Variants in SPAG16 observed in about 807,000 individuals in gnomAD.
SPAG16 encodes the protein sperm associated antigen 16.
Under a neutral mutation model 80.4 loss-of-function variants are expected in SPAG16, and 86 were observed. That is an observed-to-expected ratio of 1.07 (90% CI 0.90 to 1.28). The LOEUF (loss-of-function observed/expected upper bound fraction) is 1.28, where lower values mean the gene tolerates loss of function less well. SPAG16 is among the 50% of genes most tolerant of loss of function. The probability of loss-of-function intolerance (pLI) is 0.00; values close to 1 mark genes in which losing one functional copy is unlikely to be tolerated. For missense variants in SPAG16, 870 were observed against 765.3 expected (o/e 1.14, Z -1.61); for synonymous variants, 294 against 265.9 (o/e 1.11, Z -1.03).
intron 12 of SPAG16, among the ~76,000 whole-genome samples, chr2:213,940,313 A>G (rs1355054551): frequency 2.0e-5 from 3 of 152,114 alleles, no homozygotes; most frequent in Admixed American, 1.3e-4. Flanking sequence ...TTTTTTAGAG[A>G]TGACATCTTG....
At chr2:214,186,136 G>A (rs1352732620) in intron 15 of SPAG16, among the ~76,000 whole-genome samples, 1 of 152,124 alleles carries the variant, frequency 6.6e-6, no homozygotes, top group Non-Finnish European at 1.5e-5. Flanking sequence ...ATAAACTGGG[G>A]AATTATATTG....
chr2:214,076,547 G>GTGTC (rs1553710475), intron 13 of SPAG16, among the ~76,000 whole-genome samples: 1 of 129,788 alleles, frequency 7.7e-6, no homozygotes, highest in African/African-American at 2.9e-5. Context: ...GTGTGTCTGT[G>GTGTC]TGTGTGTGTG....
chr2:213,991,053 G>A (rs962851985), intron 12 of SPAG16, among the ~76,000 whole-genome samples: 25 of 151,578 alleles, frequency 1.6e-4, no homozygotes, highest in African/African-American at 5.8e-4. Context: ...TGTGCAGAAC[G>A]TGCAGGTTTG....
intron 10 of SPAG16, among the ~76,000 whole-genome samples, chr2:213,552,199 G>A (rs2076798785): frequency 6.6e-6 from 1 of 152,056 alleles, no homozygotes; most frequent in Non-Finnish European, 1.5e-5. Flanking sequence ...TCTTGAATTT[G>A]CTCCCTGCTT....
At chr2:213,306,137 T>G (rs1202334896) in intron 3 of SPAG16, among the ~76,000 whole-genome samples, 1 of 151,944 alleles carries the variant, frequency 6.6e-6, no homozygotes, top group Non-Finnish European at 1.5e-5. Flanking sequence ...AGTTGCTCAT[T>G]GTAGCCTCCA....
At chr2:213,846,108 T>G (rs535324266) in intron 10 of SPAG16, among the ~76,000 whole-genome samples, 1 of 152,314 alleles carries the variant, frequency 6.6e-6, no homozygotes, top group African/African-American at 2.4e-5. Flanking sequence ...ACTTAAAACA[T>G]ACCAACAATG....
chr2:214,169,527 G>C (rs1559100750), intron 15 of SPAG16, among the ~76,000 whole-genome samples: 1 of 152,016 alleles, frequency 6.6e-6, no homozygotes, highest in Non-Finnish European at 1.5e-5. Context: ...ACTTTGAAGA[G>C]ATTAGCCCCA....
chr2:213,984,040 G>A (rs2045892270), intron 12 of SPAG16, among the ~76,000 whole-genome samples: 1 of 152,062 alleles, frequency 6.6e-6, no homozygotes, highest in South Asian at 2.1e-4. Flanking sequence ...TTTGTGAGTA[G>A]TACAGCATTC....
chr2:213,600,809 G>T (rs1038497929), intron 10 of SPAG16, among the ~76,000 whole-genome samples: 1 of 152,034 alleles, frequency 6.6e-6, no homozygotes, highest in African/African-American at 2.4e-5. Context: ...TCCTTTTCTC[G>T]CTATGTGTTG....
At chr2:213,581,820 C>G (rs1011135617) in intron 10 of SPAG16, among the ~76,000 whole-genome samples, 1 of 152,164 alleles carries the variant, frequency 6.6e-6, no homozygotes, top group Non-Finnish European at 1.5e-5. Flanking sequence ...ATGGCCCAAA[C>G]AGAGATGCTG....
chr2:213,706,781 G>A (rs898894278), intron 10 of SPAG16, among the ~76,000 whole-genome samples: 6 of 152,232 alleles, frequency 3.9e-5, no homozygotes, highest in Admixed American at 3.9e-4. Context: ...GAGTGGCTTA[G>A]CTTGGGGGTT....
intron 15 of SPAG16, among the ~76,000 whole-genome samples, chr2:214,407,472 C>A (rs1160110160): frequency 6.6e-6 from 1 of 151,924 alleles, no homozygotes; most frequent in Non-Finnish European, 1.5e-5. Context: ...GTATTTCTAC[C>A]ATATTTTCAT....
chr2:214,118,330 A>G (rs2054044961), intron 14 of SPAG16, among the ~76,000 whole-genome samples: 1 of 152,204 alleles, frequency 6.6e-6, no homozygotes, highest in Non-Finnish European at 1.5e-5. Context: ...CAGGAAATAG[A>G]AGAGGACACT....
At chr2:213,691,788 T>C (rs903945120) in intron 10 of SPAG16, among the ~76,000 whole-genome samples, 3 of 152,226 alleles carry the variant, frequency 2.0e-5, no homozygotes, top group Non-Finnish European at 4.4e-5. Context: ...CCCCACCAGA[T>C]TGAAAGCTCT....
chr2:213,769,945 C>A (rs1400781820), intron 10 of SPAG16, among the ~76,000 whole-genome samples: 1 of 152,156 alleles, frequency 6.6e-6, no homozygotes, highest in Non-Finnish European at 1.5e-5. Flanking sequence ...CTGATTTTTA[C>A]TACCATAGAT....
At position 213,584,182 on chromosome 2, in the gene SPAG16, A is replaced by AT. The variant is rs545453582; in HGVS notation, c.1070+94101dup. 2.0e-3 allele frequency among the ~76,000 whole-genome samples: 310 copies of AT among 151,668 alleles called. 3 individuals carry two copies. The highest frequency in any genetic ancestry group is 6.1e-3 in the African/African-American group (254 of 41,356). On this transcript the variant is annotated intron_variant, in intron 10 of 15. Coordinates refer to ENST00000331683, the MANE Select transcript of SPAG16 (RefSeq NM_024532.5). ...TGTTTATTTTGCATTTCTTCATTGG[A>AT]TTTTTTTTTATACTAGTCCAACTAG... is the stretch of plus-strand genomic sequence containing the variant.
At chr2:214,334,070 A>C (rs1356107635) in intron 15 of SPAG16, among the ~76,000 whole-genome samples, 5 of 152,096 alleles carry the variant, frequency 3.3e-5, no homozygotes, top group Non-Finnish European at 5.9e-5. Flanking sequence ...ATGCCCCTTG[A>C]CCCAGCACCC....
intron 10 of SPAG16, among the ~76,000 whole-genome samples, chr2:213,611,140 G>A (rs372167559): frequency 2.0e-5 from 3 of 152,072 alleles, no homozygotes; most frequent in Non-Finnish European, 4.4e-5. Flanking sequence ...AGGGGTTGGG[G>A]GTAGTCATGC....
At chr2:213,820,422 T>A (rs1168032520) in intron 10 of SPAG16, among the ~76,000 whole-genome samples, 2 of 152,166 alleles carry the variant, frequency 1.3e-5, no homozygotes, top group East Asian at 3.8e-4. Context: ...AAACTTGTAT[T>A]CTTTGGTGAT....
Sources: gnomAD v4.1 joint callset for allele counts (sites outside exome capture counted in the v4.1 genomes callset) on GRCh38, gnomAD v4.1.1 for gene constraint, MANE v1.5 for transcripts, NCBI Gene and HGNC (gene_info 2026-07-23, HGNC 2026-07-21) for gene names.